CNTN3: variants seen among roughly 807,000 people sequenced by gnomAD.
CNTN3 encodes contactin-3.
Under a neutral mutation model 119.1 loss-of-function variants are expected in CNTN3, and 60 were observed. That is an observed-to-expected ratio of 0.50 (90% CI 0.41 to 0.62). CNTN3 has a LOEUF of 0.62. CNTN3 is among the 20% of genes least tolerant of loss of function. CNTN3 has a pLI of 0.00. For missense variants in CNTN3, 1,101 were observed against 1,242.4 expected (o/e 0.89, Z 1.71); for synonymous variants, 450 against 438.7 (o/e 1.03, Z -0.32).
intron 5 of CNTN3, among the ~76,000 whole-genome samples, chr3:74,382,320 A>G (rs903759955): frequency 1.3e-5 from 2 of 152,222 alleles, no homozygotes; most frequent in Non-Finnish European, 2.9e-5. Context: ...AAATGCTTAA[A>G]TCAAGTTAAT....
intron 3 of CNTN3, among the ~76,000 whole-genome samples, chr3:74,492,364 G>C (rs535915872): frequency 6.6e-6 from 1 of 152,092 alleles, no homozygotes; most frequent in East Asian, 1.9e-4. Flanking sequence ...TTAAGGGAGC[G>C]TATCTTTGAT....
chr3:74,477,929 A>G (rs1203977528), intron 4 of CNTN3, among the ~76,000 whole-genome samples: 2 of 152,152 alleles, frequency 1.3e-5, no homozygotes, highest in Non-Finnish European at 2.9e-5. Flanking sequence ...AACAGTAAAC[A>G]CAGGAGTAAA....
At chr3:74,542,109 C>T (rs898112973) in intron 1 of CNTN3, among the ~76,000 whole-genome samples, 9 of 152,148 alleles carry the variant, frequency 5.9e-5, no homozygotes, top group African/African-American at 1.2e-4. Flanking sequence ...TGGTGCCCAC[C>T]TACAGTCCCA....
intron 20 of CNTN3, among the ~76,000 whole-genome samples, chr3:74,283,363 G>A (rs1371331131): frequency 1.3e-5 from 2 of 152,106 alleles, no homozygotes; most frequent in African/African-American, 4.8e-5. Flanking sequence ...ACCGGAAATT[G>A]CTCAGTAAGT....
rs986997210 is a variant in CNTN3, at chr3:74,469,607, A to G, written c.358+16849T>C. On this transcript the variant is annotated intron_variant, in intron 4 of 22. Transcript: ENST00000263665. ...AGTAAACACATGAAAACAAGCTCACATCGTTAGTCATCAGGGAGATGTAAA... is the reference window on the plus strand; with the variant it reads ...AGTAAACACATGAAAACAAGCTCACGTCGTTAGTCATCAGGGAGATGTAAA... Among the ~76,000 whole-genome samples, 49 of 152,234 alleles carry G rather than the reference A, an allele frequency of 3.2e-4. 1 individual carries two copies. The highest frequency in any genetic ancestry group is 1.1e-3 in the African/African-American group (45 of 41,460).
At chr3:74,538,053 A>C (rs1363224636) in intron 1 of CNTN3, among the ~76,000 whole-genome samples, 3 of 152,142 alleles carry the variant, frequency 2.0e-5, no homozygotes, top group African/African-American at 7.2e-5. Context: ...GCAATGACTC[A>C]GAAATGTGAC....
intron 5 of CNTN3, among the ~76,000 whole-genome samples, chr3:74,414,861 TG>T (rs1701493954): frequency 1.4e-5 from 2 of 147,836 alleles, no homozygotes; most frequent in East Asian, 4.1e-4. Flanking sequence ...GGATCTCACC[TG>T]GTGTTTCCTA....
At chr3:74,443,544 C>T (rs1381912718) in intron 4 of CNTN3, among the ~76,000 whole-genome samples, 3 of 152,106 alleles carry the variant, frequency 2.0e-5, no homozygotes, top group Admixed American at 1.3e-4. Context: ...TTAGAATGAT[C>T]TGAGTCCCAT....
chr3:74,398,963 G>A (rs570768760), intron 5 of CNTN3, among the ~76,000 whole-genome samples: 17 of 152,000 alleles, frequency 1.1e-4, no homozygotes, highest in Admixed American at 2.0e-4. Context: ...TTTAGTGATC[G>A]GATCAAGATA....
intron 1 of CNTN3, among the ~76,000 whole-genome samples, chr3:74,531,952 G>A (rs1559648069): frequency 6.6e-6 from 1 of 151,650 alleles, no homozygotes; most frequent in Non-Finnish European, 1.5e-5. Context: ...ACTAATAAGA[G>A]TGAATTTAAT....
chr3:74,397,622 G>A (rs1405634651), intron 5 of CNTN3, among the ~76,000 whole-genome samples: 4 of 152,078 alleles, frequency 2.6e-5, no homozygotes, highest in Non-Finnish European at 5.9e-5. Flanking sequence ...AAGTGTTCAA[G>A]TGAAAGGAAG....
At chr3:74,549,309 A>G (rs1218036959) in intron 1 of CNTN3, among the ~76,000 whole-genome samples, 4 of 152,134 alleles carry the variant, frequency 2.6e-5, no homozygotes, top group Non-Finnish European at 2.9e-5. Context: ...CACGATTGTA[A>G]GTTTCCTGAG....
chr3:74,584,150 C>A (rs1704557434), intron 1 of CNTN3, among the ~76,000 whole-genome samples: 1 of 152,090 alleles, frequency 6.6e-6, no homozygotes, highest in Non-Finnish European at 1.5e-5. Context: ...CTGGGCTAGA[C>A]AATTACATGT....
In CNTN3 at chr3:74,499,640, T is replaced by A; in HGVS notation, c.182+19A>T. On this transcript the variant is annotated intron_variant, in intron 3 of 22. Coordinates refer to ENST00000263665, the MANE Select transcript of CNTN3 (RefSeq NM_020872.3). ...GTGTTTAGTTTTTTTTATTTGAATTTTCAAACTTTTCACTGTACCTGTAAT... is the reference window on the plus strand; with the variant it reads ...GTGTTTAGTTTTTTTTATTTGAATTATCAAACTTTTCACTGTACCTGTAAT... The A allele has an allele frequency of 6.3e-7, 1 of 1,580,454 alleles. No individual in the cohort carries two copies. Among genetic ancestry groups the A allele is most frequent in the Non-Finnish European group, 8.6e-7 (1 of 1,168,524 alleles).
chr3:74,591,472 C>T (rs554950971), intron 1 of CNTN3, among the ~76,000 whole-genome samples: 47 of 151,898 alleles, frequency 3.1e-4, no homozygotes, highest in South Asian at 6.2e-4. Context: ...GGTGTGAAGA[C>T]AGCTGTGTTC....
intron 20 of CNTN3, among the ~76,000 whole-genome samples, chr3:74,275,220 A>C (rs1006246445): frequency 2.6e-5 from 4 of 152,214 alleles, no homozygotes; most frequent in African/African-American, 9.6e-5. Flanking sequence ...TTTGGAAAAC[A>C]TATTTGGGGG....
At chr3:74,306,214 C>CA (rs79818182) in intron 13 of CNTN3, among the ~76,000 whole-genome samples, 18,745 of 83,628 alleles carry the variant, frequency 0.22, 1,985 homozygotes, top group East Asian at 0.5. Flanking sequence ...GAGAAATGTC[C>CA]AAAAAAAAAA....
chr3:74,491,277 G>A (rs2107057480), intron 3 of CNTN3, among the ~76,000 whole-genome samples: 1 of 152,174 alleles, frequency 6.6e-6, no homozygotes, highest in African/African-American at 2.4e-5. Flanking sequence ...AAGCTGGGAA[G>A]ATCTCTTGGA....
At chr3:74,569,244 C>G (rs185435201) in intron 1 of CNTN3, among the ~76,000 whole-genome samples, 50 of 152,274 alleles carry the variant, frequency 3.3e-4, no homozygotes, top group African/African-American at 1.1e-3. Context: ...CTCACCTTCA[C>G]AAGCATTAAA....
Sources: gnomAD v4.1 joint callset for allele counts (sites outside exome capture counted in the v4.1 genomes callset) on GRCh38, gnomAD v4.1.1 for gene constraint, MANE v1.5 for transcripts, NCBI Gene and HGNC (gene_info 2026-07-23, HGNC 2026-07-21) for gene names.